GPC6: variants seen among roughly 807,000 people sequenced by gnomAD.
GPC6 encodes glypican 6, also known as glypican-6.
Under a neutral mutation model 55.2 loss-of-function variants are expected in GPC6, and 14 were observed. That is an observed-to-expected ratio of 0.25 (90% CI 0.17 to 0.40). The LOEUF (loss-of-function observed/expected upper bound fraction) is 0.40. Ranked by LOEUF, GPC6 falls within the 10% of genes least tolerant of loss-of-function variation. The pLI, the probability that GPC6 is intolerant of heterozygous loss-of-function variation, is 1.00. For synonymous variants in GPC6, 278 were observed against 259.6 expected (o/e 1.07, Z -0.68); for missense variants, 641 against 708.5 (o/e 0.90, Z 1.08).
At chr13:93,506,568 C>A (rs887291349) in intron 1 of GPC6, among the ~76,000 whole-genome samples, 2 of 152,130 alleles carry the variant, frequency 1.3e-5, no homozygotes, top group Non-Finnish European at 2.9e-5. Flanking sequence ...CTCTTCCAGG[C>A]TACCAGTGCA....
intron 4 of GPC6, among the ~76,000 whole-genome samples, chr13:94,208,971 A>G (rs1889990996): frequency 6.6e-6 from 1 of 152,034 alleles, no homozygotes; most frequent in African/African-American, 2.4e-5. Context: ...TTATTGCTTA[A>G]TATTTTATTA....
chr13:93,906,000 G>A (rs943120927), intron 3 of GPC6, among the ~76,000 whole-genome samples: 3 of 152,140 alleles, frequency 2.0e-5, no homozygotes, highest in African/African-American at 7.2e-5. Flanking sequence ...TCTGTAACAT[G>A]TTGCATTAGA....
At chr13:94,230,887 A>G (rs1346676568) in intron 4 of GPC6, among the ~76,000 whole-genome samples, 6 of 152,192 alleles carry the variant, frequency 3.9e-5, no homozygotes, top group African/African-American at 1.4e-4. Context: ...CTTTCCAACA[A>G]GACAATGAGG....
chr13:94,248,886 T>C (rs527922795), intron 4 of GPC6, among the ~76,000 whole-genome samples: 1 of 152,170 alleles, frequency 6.6e-6, no homozygotes, highest in Non-Finnish European at 1.5e-5. Flanking sequence ...GTAAAAGTAA[T>C]ATACCTCTTA....
At chr13:94,288,919 T>G (rs1874760124) in intron 5 of GPC6, among the ~76,000 whole-genome samples, 3 of 128,002 alleles carry the variant, frequency 2.3e-5, no homozygotes, top group African/African-American at 9.4e-5. Flanking sequence ...ATTTGTTATA[T>G]ATATAACAAA....
At chr13:93,509,695 A>G (rs1035651089) in intron 1 of GPC6, among the ~76,000 whole-genome samples, 1 of 152,250 alleles carries the variant, frequency 6.6e-6, no homozygotes, top group Non-Finnish European at 1.5e-5. Flanking sequence ...TCTTTGAAGT[A>G]TGGATTTAAC....
intron 2 of GPC6, among the ~76,000 whole-genome samples, chr13:93,786,183 T>C (rs1885809284): frequency 6.6e-6 from 1 of 152,066 alleles, no homozygotes; most frequent in Non-Finnish European, 1.5e-5. Context: ...AGAAAAGAGC[T>C]AAAGACAAAA....
intron 4 of GPC6, among the ~76,000 whole-genome samples, chr13:94,035,321 G>GA (rs1883296219): frequency 5.6e-5 from 3 of 53,872 alleles, no homozygotes; most frequent in Non-Finnish European, 1.6e-4. Context: ...TATTCCAGAA[G>GA]GCCAGAAACC....
At position 94,407,236 on chromosome 13, in the gene GPC6, T is replaced by C. The variant is rs952671915; in HGVS notation, c.*4019T>C. 1 of 152,110 alleles carries C rather than the reference T, an allele frequency of 6.6e-6. No individual in the cohort carries two copies. The highest frequency in any genetic ancestry group is 2.1e-4 in the South Asian group (1 of 4,828). The allele number at this position is 152,110 out of a possible 1,614,324, so 9.4% of individuals were successfully genotyped here. A position where few individuals can be genotyped will look rare whatever the true frequency, so the allele number is the denominator to read the frequency against. On this transcript the variant is annotated 3_prime_UTR_variant, in exon 9 of 9. Transcript: ENST00000377047. Reference sequence around the variant, plus strand: ...CTAACAATGGCATAATAGTGAGGTCTCTCTGTGCATATACATAATATATAT... The same window carrying C: ...CTAACAATGGCATAATAGTGAGGTCCCTCTGTGCATATACATAATATATAT...
intron 2 of GPC6, among the ~76,000 whole-genome samples, chr13:93,619,961 A>T (rs1448569228): frequency 3.3e-5 from 5 of 152,086 alleles, no homozygotes; most frequent in African/African-American, 1.2e-4. Context: ...AAATATTTTC[A>T]CTATGTCTGT....
chr13:93,554,741 C>T (rs1875367106), intron 2 of GPC6, among the ~76,000 whole-genome samples: 1 of 152,164 alleles, frequency 6.6e-6, no homozygotes. Context: ...TCATTCCAAG[C>T]ATTCCCTTAG....
chr13:93,803,397 C>T (rs1013547611), intron 2 of GPC6, among the ~76,000 whole-genome samples: 6 of 152,012 alleles, frequency 3.9e-5, no homozygotes, highest in Non-Finnish European at 8.8e-5. Flanking sequence ...CCTTTTCCTA[C>T]CCATTATGAT....
intron 2 of GPC6, among the ~76,000 whole-genome samples, chr13:93,824,858 C>T (rs932414618): frequency 6.6e-6 from 1 of 151,950 alleles, no homozygotes; most frequent in Non-Finnish European, 1.5e-5. Context: ...GTTCATCCAT[C>T]GATCTATTCA....
At chr13:93,267,832 AT>A (rs887180690) in intron 1 of GPC6, among the ~76,000 whole-genome samples, 1 of 152,108 alleles carries the variant, frequency 6.6e-6, no homozygotes, top group Non-Finnish European at 1.5e-5. Context: ...GAGATTTTAT[AT>A]TTTTTTAGGG....
chr13:93,567,377 C>T (rs138843335), intron 2 of GPC6, among the ~76,000 whole-genome samples: 17 of 152,192 alleles, frequency 1.1e-4, no homozygotes, highest in African/African-American at 2.6e-4. Flanking sequence ...TTTGAAGTAG[C>T]GCATAAGGGA....
chr13:94,055,915 A>G (rs1884116184), intron 4 of GPC6, among the ~76,000 whole-genome samples: 1 of 152,208 alleles, frequency 6.6e-6, no homozygotes, highest in Non-Finnish European at 1.5e-5. Flanking sequence ...GGACCTGTCC[A>G]GAATTACAAG....
Position 93,253,000 on chromosome 13 carries a change from A to G in GPC6, c.160+25384A>G, listed in dbSNP as rs546955285. Among the ~76,000 whole-genome samples, 36 of 152,356 alleles carry G rather than the reference A, an allele frequency of 2.4e-4. 1 individual carries two copies. In the South Asian group the frequency reaches 6.2e-3, roughly 26 times the overall value. ...ACCACCAGAGTTTATTGTGTGGAAC[A>G]TGCATTTTGTTGCCTTTATATTGTT... On this transcript the variant is annotated intron_variant, in intron 1 of 8. Coordinates refer to ENST00000377047, the MANE Select transcript of GPC6 (RefSeq NM_005708.5).
chr13:94,089,704 A>G lies in GPC6; in HGVS notation c.877+61810A>G, dbSNP rs547412584. Among the ~76,000 whole-genome samples the G allele has an allele frequency of 3.3e-5, 5 of 152,324 alleles. No homozygotes were observed. The South Asian group carries it at 1.0e-3, about 32-fold the overall frequency. On this transcript the variant is annotated intron_variant, in intron 4 of 8. Coordinates refer to ENST00000377047, the MANE Select transcript of GPC6 (RefSeq NM_005708.5). Reference sequence around the variant, plus strand: ...TGTTAACATTATGAGAGCTGAAACAAGAAGGTAGAACTTCACTTTGTTCAA... The same window carrying G: ...TGTTAACATTATGAGAGCTGAAACAGGAAGGTAGAACTTCACTTTGTTCAA...
intron 6 of GPC6, among the ~76,000 whole-genome samples, chr13:94,352,419 C>G (rs1419397535): frequency 6.6e-6 from 1 of 152,162 alleles, no homozygotes; most frequent in Non-Finnish European, 1.5e-5. Context: ...TCCCTGGGCC[C>G]CCATGTCTGC....
Sources: allele counts gnomAD v4.1 joint callset (sites outside exome capture counted in the v4.1 genomes callset), GRCh38; gene constraint gnomAD v4.1.1; transcripts MANE v1.5; gene names NCBI Gene and HGNC (gene_info 2026-07-23, HGNC 2026-07-21).